SFMBT2: variants seen among roughly 807,000 people sequenced by gnomAD.
SFMBT2 encodes scm-like with four MBT domains protein 2.
In SFMBT2, 38 loss-of-function variants were observed where a neutral mutation model predicts 110.1. The observed-to-expected ratio is 0.35, with a 90% CI of 0.27 to 0.45. SFMBT2 has a LOEUF of 0.45. SFMBT2 is among the 20% of genes least tolerant of loss of function. The pLI is 1.00. For synonymous variants in SFMBT2, 425 were observed against 425.4 expected (o/e 1.00, Z 0.01); for missense variants, 1,011 against 1,094.9 (o/e 0.92, Z 1.08).
At chr10:7,288,861 C>G (rs1030522550) in intron 4 of SFMBT2, among the ~76,000 whole-genome samples, 1 of 150,028 alleles carries the variant, frequency 6.7e-6, no homozygotes, top group Non-Finnish European at 1.5e-5. Context: ...AAACCCCCCC[C>G]CCCATCTCCA....
Position 7,332,432 on chromosome 10 carries a change from C to A in SFMBT2, c.436+35217G>T, listed in dbSNP as rs576724573. ...AAAAGCTCTACTATTTATGCATATTCTTTAATAGTTTGCCTTAACTGGGGA... is the reference window on the plus strand; with the variant it reads ...AAAAGCTCTACTATTTATGCATATTATTTAATAGTTTGCCTTAACTGGGGA... On this transcript the variant is annotated intron_variant, in intron 4 of 20. Coordinates refer to ENST00000397167, the MANE Select transcript of SFMBT2 (RefSeq NM_001387889.1). Among the ~76,000 whole-genome samples the A allele has an allele frequency of 2.6e-3, 393 of 152,292 alleles. 2 individuals are homozygous for A. The highest frequency in any genetic ancestry group is 4.1e-3 in the Non-Finnish European group (277 of 68,016).
intron 11 of SFMBT2, among the ~76,000 whole-genome samples, chr10:7,217,519 T>C (rs1340933028): frequency 1.3e-5 from 2 of 152,002 alleles, no homozygotes; most frequent in Non-Finnish European, 1.5e-5. Flanking sequence ...CCAGGAAAAA[T>C]GATTCTGAGA....
intron 4 of SFMBT2, among the ~76,000 whole-genome samples, chr10:7,319,369 G>A (rs1843105012): frequency 1.3e-5 from 2 of 152,168 alleles, no homozygotes; most frequent in Admixed American, 6.5e-5. Flanking sequence ...ACTGAATACT[G>A]TCACAGAGCT....
intron 9 of SFMBT2, among the ~76,000 whole-genome samples, chr10:7,238,985 C>G (rs938084233): frequency 6.6e-6 from 1 of 152,112 alleles, no homozygotes; most frequent in African/African-American, 2.4e-5. Context: ...TTTTGCTTAC[C>G]AGGAAAATCC....
intron 4 of SFMBT2, among the ~76,000 whole-genome samples, chr10:7,298,527 A>C (rs970246203): frequency 6.6e-6 from 1 of 152,182 alleles, no homozygotes; most frequent in Non-Finnish European, 1.5e-5. Context: ...ACTCATCAAC[A>C]GGTCTGGGAT....
rs1837522863 is a variant in SFMBT2, at chr10:7,160,500, AC to A, written c.*3269del. On this transcript the variant is annotated 3_prime_UTR_variant, in exon 21 of 21. Transcript: ENST00000397167. ...ATAAGTTCCAAGTGGCATGATGCCC[AC>A]AGGAAGTAGGCGCACTAAGGAGAGG... 1 of 152,178 alleles carries A rather than the reference AC, an allele frequency of 6.6e-6. No homozygotes were observed. Among genetic ancestry groups the A allele is most frequent in the South Asian group, 2.1e-4 (1 of 4,830 alleles). The allele number at this position is 152,178 out of a possible 1,614,324, so 9.4% of individuals were successfully genotyped here.
chr10:7,343,579 ACT>A, intron 4 of SFMBT2, among the ~76,000 whole-genome samples: 1 of 151,546 alleles, frequency 6.6e-6, no homozygotes, highest in East Asian at 1.9e-4. Flanking sequence ...TAGAATAGCC[ACT>A]CTGACTGGTG....
chr10:7,306,738 G>A (rs1842709120), intron 4 of SFMBT2, among the ~76,000 whole-genome samples: 3 of 92,590 alleles, frequency 3.2e-5, no homozygotes, highest in Non-Finnish European at 7.2e-5. Flanking sequence ...CAAGAAAAGG[G>A]GGGAAAAAAA....
At chr10:7,309,065 T>G (rs1003409940) in intron 4 of SFMBT2, among the ~76,000 whole-genome samples, 1 of 152,226 alleles carries the variant, frequency 6.6e-6, no homozygotes, top group Non-Finnish European at 1.5e-5. Flanking sequence ...CAAACATTAT[T>G]CTGGGTGCAT....
chr10:7,249,450 C>T (rs1032820500), intron 7 of SFMBT2: 2 of 912,610 alleles, frequency 2.2e-6, no homozygotes, highest in East Asian at 2.4e-4. Flanking sequence ...TCATAACTCA[C>T]AGTCTGGATA....
In SFMBT2 at chr10:7,170,998, G is replaced by A. The variant is rs1443630912; in HGVS notation, c.2474C>T (p.Thr825Met). Reference sequence around the variant, plus strand: ...AATGAACCTCACCACGTCGGTGACCGTCCACTCCAACGGGTTGCTCTCCAG... The same window carrying A: ...AATGAACCTCACCACGTCGGTGACCATCCACTCCAACGGGTTGCTCTCCAG... ...LVLESNPLEW[T>M]VTDVVRFIKL... The change falls in exon 20 of 21, where the codon ACG (threonine) becomes ATG (methionine). Residue 825 changes from threonine to methionine, a missense_variant. Physicochemically the swap from Thr to Met is moderately conservative, Grantham distance 81. Coordinates refer to ENST00000397167, the MANE Select transcript of SFMBT2 (RefSeq NM_001387889.1). The surrounding 1 kb of genome is among the most constrained non-coding windows in gnomAD (Gnocchi z 4.6). 1.9e-6 allele frequency: 3 copies of A among 1,614,110 alleles called. No homozygotes were observed. Among genetic ancestry groups the A allele is most frequent in the Non-Finnish European group, 1.7e-6 (2 of 1,179,982 alleles).
chr10:7,329,863 C>T (rs760161056), intron 4 of SFMBT2, among the ~76,000 whole-genome samples: 2 of 152,258 alleles, frequency 1.3e-5, no homozygotes, highest in Non-Finnish European at 2.9e-5. Flanking sequence ...GTCACTCGGG[C>T]TGTCCCCTAT....
At chr10:7,334,116 C>T (rs765185395) in intron 4 of SFMBT2, among the ~76,000 whole-genome samples, 2 of 152,194 alleles carry the variant, frequency 1.3e-5, no homozygotes, top group African/African-American at 4.8e-5. Flanking sequence ...CAGGACACGA[C>T]AACTCATTGC....
chr10:7,399,463 C>T (rs933131913), intron 1 of SFMBT2, among the ~76,000 whole-genome samples: 1 of 152,022 alleles, frequency 6.6e-6, no homozygotes, highest in Non-Finnish European at 1.5e-5. Flanking sequence ...AACTCCTGAC[C>T]TCAAGTGATC....
intron 4 of SFMBT2, among the ~76,000 whole-genome samples, chr10:7,287,055 G>A (rs1433014129): frequency 6.7e-6 from 1 of 149,696 alleles, no homozygotes; most frequent in Non-Finnish European, 1.5e-5. Context: ...CTCTGAACAA[G>A]GAAGGAATGT....
intron 4 of SFMBT2, among the ~76,000 whole-genome samples, chr10:7,341,772 G>T (rs540327170): frequency 6.6e-6 from 1 of 152,314 alleles, no homozygotes; most frequent in South Asian, 2.1e-4. Context: ...AAACGAGGGT[G>T]GTAATATTGA....
At chr10:7,351,878 A>ATAT (rs200021511) in intron 4 of SFMBT2, among the ~76,000 whole-genome samples, 9 of 149,234 alleles carry the variant, frequency 6.0e-5, no homozygotes, top group African/African-American at 2.3e-4. Context: ...TGTAAAAAAA[A>ATAT]AAATATATAT....
chr10:7,343,820 T>G (rs1039866610), intron 4 of SFMBT2, among the ~76,000 whole-genome samples: 5 of 152,176 alleles, frequency 3.3e-5, no homozygotes, highest in Admixed American at 3.3e-4. Flanking sequence ...CCATGGGGAC[T>G]TTGGGTTTGA....
intron 1 of SFMBT2, among the ~76,000 whole-genome samples, chr10:7,399,759 T>C (rs1420416401): frequency 6.6e-6 from 1 of 152,182 alleles, no homozygotes; most frequent in African/African-American, 2.4e-5. Context: ...CAAGCAACAC[T>C]GTCCTCAGCT....
Sources: gnomAD v4.1 joint callset for allele counts (sites outside exome capture counted in the v4.1 genomes callset) on GRCh38, gnomAD v4.1.1 for gene constraint, Gnocchi (gnomAD v3.1) non-coding constraint, MANE v1.5 for transcripts, NCBI Gene and HGNC (gene_info 2026-07-23, HGNC 2026-07-21) for gene names.